Variants in APC observed in about 807,000 individuals in gnomAD.
APC encodes adenomatous polyposis coli protein.
In APC, 72 loss-of-function variants were observed where a neutral mutation model predicts 247.0. That is an observed-to-expected ratio of 0.29 (90% CI 0.24 to 0.35). APC has a LOEUF of 0.35. APC is among the 10% of genes least tolerant of loss of function. The pLI is 1.00. For missense variants in APC, 3,400 were observed against 3,360.7 expected, an observed-to-expected ratio of 1.01 and a Z score of -0.29; for synonymous variants, 1,254 against 1,162.5, an observed-to-expected ratio of 1.08 and a Z score of -1.60.
intron 8 of APC, among the ~76,000 whole-genome samples, chr5:112,803,647 G>A (rs939710025): frequency 6.6e-6 from 1 of 152,176 alleles, no homozygotes; most frequent in African/African-American, 2.4e-5. Context: ...TTGTTAACAA[G>A]TGTTAATAAT....
intron 8 of APC, among the ~76,000 whole-genome samples, chr5:112,805,963 C>G (rs1580472170): frequency 6.6e-6 from 1 of 152,210 alleles, no homozygotes; most frequent in Admixed American, 6.5e-5. Context: ...AACCTGGCCC[C>G]TACCTATCTT....
At chr5:112,770,731 A>G (rs879507543) in intron 4 of APC, among the ~76,000 whole-genome samples, 7 of 152,142 alleles carry the variant, frequency 4.6e-5, no homozygotes, top group Non-Finnish European at 1.0e-4. Context: ...TTATATTGCT[A>G]GTATTGGACA....
rs1280077533 is a variant in APC at position 112,828,000 on chromosome 5, A to C, written c.1620A>C (p.Leu540Phe). The change falls in exon 13 of 16, where the codon TTA becomes TTC. Residue 540 changes from leucine (L) to phenylalanine (F), a missense_variant. Physicochemically the swap from Leu to Phe is conservative, Grantham distance 22 (BLOSUM62 0). Transcript: ENST00000257430. ...AACTAAAATCTGAAAGTGAAGACTTACAGCAGGTACTATTTAGAATTTCAC... is the reference window on the plus strand; with the variant it reads ...AACTAAAATCTGAAAGTGAAGACTTCCAGCAGGTACTATTTAGAATTTCAC... Reference protein sequence around the residue: ...VAQLKSESEDLQQVIASVLRN... With the variant: ...VAQLKSESEDFQQVIASVLRN... The C allele has an allele frequency of 1.9e-6, 3 of 1,610,998 alleles. No individual in the cohort carries two copies. The highest frequency in any genetic ancestry group is 2.5e-6 in the Non-Finnish European group (3 of 1,178,514).
intron 9 of APC, among the ~76,000 whole-genome samples, chr5:112,816,722 G>A (rs1254962810): frequency 2.0e-5 from 3 of 151,648 alleles, no homozygotes; most frequent in African/African-American, 7.3e-5. Flanking sequence ...GAACCTGGGA[G>A]GCGGAGGTTG....
At chr5:112,724,177 A>G (rs963922063) in intron 1 of APC, among the ~76,000 whole-genome samples, 8 of 152,224 alleles carry the variant, frequency 5.3e-5, no homozygotes, top group Non-Finnish European at 1.0e-4. Context: ...TATTTTTAAC[A>G]GTATACATAC....
At chr5:112,723,114 T>G (rs889553322) in intron 1 of APC, among the ~76,000 whole-genome samples, 3 of 151,182 alleles carry the variant, frequency 2.0e-5, no homozygotes, top group Non-Finnish European at 4.4e-5. Context: ...AGAGATTCTG[T>G]TCCTGAGGCC....
chr5:112,806,602 G>A (rs1220657172), intron 8 of APC, among the ~76,000 whole-genome samples: 1 of 146,924 alleles, frequency 6.8e-6, no homozygotes, highest in African/African-American at 2.6e-5. Flanking sequence ...ATTGAGATAG[G>A]GTCTCACTCT....
chr5:112,708,575 C>G (rs1032257809), intron 1 of APC, among the ~76,000 whole-genome samples: 1 of 152,108 alleles, frequency 6.6e-6, no homozygotes, highest in Non-Finnish European at 1.5e-5. Flanking sequence ...AAAAAGAAGA[C>G]CTTATGCAGT....
intron 9 of APC, among the ~76,000 whole-genome samples, chr5:112,816,563 G>C (rs1416083919): frequency 1.3e-5 from 2 of 152,112 alleles, no homozygotes; most frequent in East Asian, 3.9e-4. Context: ...GGAGGCTGAG[G>C]TGGGTGGATC....
chr5:112,747,640 A>G (rs545862192), intron 1 of APC, among the ~76,000 whole-genome samples: 1 of 152,292 alleles, frequency 6.6e-6, no homozygotes, highest in Admixed American at 6.5e-5. Context: ...TAGTAAAAAC[A>G]AAATAAAGAT....
chr5:112,765,086 C>G (rs933666644), intron 2 of APC, among the ~76,000 whole-genome samples: 17 of 152,018 alleles, frequency 1.1e-4, no homozygotes, highest in African/African-American at 4.1e-4. Context: ...AAAAGGAATT[C>G]TGGGGTTTGG....
chr5:112,717,335 TCTCTTTCTTC>T (rs1391869787), intron 1 of APC, among the ~76,000 whole-genome samples: 2 of 152,174 alleles, frequency 1.3e-5, no homozygotes, highest in African/African-American at 2.4e-5. Context: ...TCTTATTTTT[TCTCTTTCTTC>T]CTCATTATTG....
At chr5:112,776,990 T>G (rs1025441608) in intron 5 of APC, among the ~76,000 whole-genome samples, 11 of 152,230 alleles carry the variant, frequency 7.2e-5, no homozygotes, top group Non-Finnish European at 1.6e-4. Context: ...ATGGTAACAT[T>G]TTTCATTTTA....
In APC at chr5:112,776,887, A is replaced by G. The variant is rs370137341; in HGVS notation, c.531+1150A>G. ...TAAAAAAAAAAATAAATGACTCACT[A>G]GAGGAATCTTTAAGTGTCCATTTAA... On this transcript the variant is annotated intron_variant, in intron 5 of 15. Coordinates refer to ENST00000257430, the MANE Select transcript of APC (RefSeq NM_000038.6). 3.7e-4 allele frequency among the ~76,000 whole-genome samples: 56 copies of G among 152,180 alleles called. No individual in the cohort carries two copies. The East Asian group carries it at 0.01, about 27-fold the overall frequency.
At chr5:112,781,711 A>C (rs1444995164) in intron 6 of APC, among the ~76,000 whole-genome samples, 1 of 152,078 alleles carries the variant, frequency 6.6e-6, no homozygotes, top group East Asian at 1.9e-4. Context: ...GATATTTTAC[A>C]TTCCTTGAAG....
At chr5:112,822,182 C>T (rs970590850) in intron 11 of APC, among the ~76,000 whole-genome samples, 191 bp downstream of exon 11, 1 of 152,074 alleles carries the variant, frequency 6.6e-6, no homozygotes, top group African/African-American at 2.4e-5. Flanking sequence ...TAGAAAGGAT[C>T]CTGAATCACA....
chr5:112,819,441 C>T (rs1369368254), intron 10 of APC, 97 bp downstream of exon 10: 1 of 1,464,104 alleles, frequency 6.8e-7, no homozygotes, highest in Middle Eastern at 2.2e-4. Flanking sequence ...GTCTTTATGA[C>T]TAAGAGGAGA....
rs1001496109 is a variant in APC, at chr5:112,755,100, A to G, written c.135+75A>G. The G allele has an allele frequency of 6.3e-6, 10 of 1,594,496 alleles. No homozygotes were observed. The African/African-American group carries it at 1.2e-4, about 19-fold the overall frequency. Reference sequence around the variant, plus strand: ...TTCCCTCTTGTAAACTTGAGGTAAGACACTTTACTTAAAAGTGTATTTTAA... The same window carrying G: ...TTCCCTCTTGTAAACTTGAGGTAAGGCACTTTACTTAAAAGTGTATTTTAA... On this transcript the variant is annotated intron_variant, in intron 2 of 15. Transcript: ENST00000257430.
At chr5:112,723,806 C>G (rs1467592629) in intron 1 of APC, among the ~76,000 whole-genome samples, 1 of 152,138 alleles carries the variant, frequency 6.6e-6, no homozygotes, top group Admixed American at 6.5e-5. Flanking sequence ...TTTTATTGCT[C>G]TAGTATAAGA....
Sources: allele counts gnomAD v4.1 joint callset (sites outside exome capture counted in the v4.1 genomes callset), GRCh38; gene constraint gnomAD v4.1.1; transcripts MANE v1.5; gene names NCBI Gene and HGNC (gene_info 2026-07-23, HGNC 2026-07-21).